The following YPEL2 variants were observed in gnomAD, a reference collection of about 807,000 sequenced individuals.
YPEL2 encodes yippee like 2.
In YPEL2, 2 loss-of-function variants were observed where a neutral mutation model predicts 19.1. The ratio of observed to expected loss-of-function variants is 0.10; its 90% CI spans 0.04 to 0.33. The LOEUF is 0.33. Ranked by LOEUF, YPEL2 falls within the 10% of genes least tolerant of loss-of-function variation. The pLI is 1.00. For missense variants in YPEL2, 66 were observed against 140.7 expected, an observed-to-expected ratio of 0.47 and a Z score of 2.68; for synonymous variants, 52 against 50.0, an observed-to-expected ratio of 1.04 and a Z score of -0.17.
chr17:59,389,481 G>T lies in YPEL2; in HGVS notation c.270+13G>T. The T allele has an allele frequency of 6.2e-7, 1 of 1,606,914 alleles. No individual in the cohort carries two copies. Among genetic ancestry groups the T allele is most frequent in the East Asian group, 2.2e-5 (1 of 44,858 alleles). On this transcript the variant is annotated intron_variant, in intron 4 of 4. Coordinates refer to ENST00000312655, the MANE Select transcript of YPEL2 (RefSeq NM_001005404.4). ...GGGCTGGAAATACGTAAGTATAAAG[G>T]AGTTTGGTTGGTAGAGGGCTGGAAG...
chr17:59,332,776 G>T (rs1028297952), intron 1 of YPEL2, among the ~76,000 whole-genome samples: 1 of 152,208 alleles, frequency 6.6e-6, no homozygotes, highest in Admixed American at 6.5e-5. Context: ...CCGCCCCCCA[G>T]TCCCGCCGCT....
intron 1 of YPEL2, among the ~76,000 whole-genome samples, chr17:59,340,198 C>G (rs372250630): frequency 2.4e-4 from 37 of 151,844 alleles, no homozygotes; most frequent in African/African-American, 8.5e-4. Flanking sequence ...ATCTCCACCC[C>G]CCCAGGTTCA....
intron 1 of YPEL2, among the ~76,000 whole-genome samples, chr17:59,346,954 A>G (rs964363891): frequency 2.0e-5 from 3 of 152,194 alleles, no homozygotes; most frequent in African/African-American, 7.2e-5. Flanking sequence ...CAAGTTGCCA[A>G]ATGCCTCCTA....
chr17:59,394,054 C>T (rs577956363), intron 4 of YPEL2, among the ~76,000 whole-genome samples: 195 of 152,232 alleles, frequency 1.3e-3, no homozygotes, highest in African/African-American at 4.5e-3. Context: ...GGGTGGTGGC[C>T]GGGCAGAGGG....
At chr17:59,336,120 C>T (rs957265553) in intron 1 of YPEL2, among the ~76,000 whole-genome samples, 23 of 152,152 alleles carry the variant, frequency 1.5e-4, no homozygotes, top group Admixed American at 3.9e-4. Context: ...TGGTTGAATG[C>T]GTGAATGACC....
intron 4 of YPEL2, 63 bp from the exon 5 acceptor site, chr17:59,397,035 GAAA>G (rs3214250): frequency 7.9e-7 from 1 of 1,272,002 alleles, no homozygotes; most frequent in African/African-American, 1.6e-5. Flanking sequence ...CCTCAAAAAA[GAAA>G]AAAAAAATCA....
chr17:59,348,137 G>T (rs1479320636), intron 1 of YPEL2, among the ~76,000 whole-genome samples: 28 of 152,194 alleles, frequency 1.8e-4, no homozygotes, highest in Admixed American at 1.8e-3. Context: ...AAGTCACGCA[G>T]CTAGAAAGGA....
chr17:59,389,135 AT>A (rs1320296919), intron 3 of YPEL2: 1 of 543,538 alleles, frequency 1.8e-6, no homozygotes, highest in East Asian at 2.9e-5. Flanking sequence ...AACCATAAAG[AT>A]TATTTCGGTA....
chr17:59,335,863 T>C (rs2047696346), intron 1 of YPEL2, among the ~76,000 whole-genome samples: 1 of 152,136 alleles, frequency 6.6e-6, no homozygotes, highest in African/African-American at 2.4e-5. Context: ...TCTCCAAATT[T>C]TTGCGTGGCT....
chr17:59,347,932 T>C (rs1024650099), intron 1 of YPEL2, among the ~76,000 whole-genome samples: 1 of 151,056 alleles, frequency 6.6e-6, no homozygotes, highest in African/African-American at 2.4e-5. Context: ...TTTTTCTTTC[T>C]TTTTTTTTAA....
chr17:59,376,847 G>A (rs1567752346), intron 2 of YPEL2, among the ~76,000 whole-genome samples: 1 of 150,664 alleles, frequency 6.6e-6, no homozygotes, highest in Non-Finnish European at 1.5e-5. Flanking sequence ...TGCTTGGGAG[G>A]CTGAGGCAGG....
intron 2 of YPEL2, among the ~76,000 whole-genome samples, chr17:59,363,462 C>T (rs896408796): frequency 5.9e-5 from 9 of 152,138 alleles, no homozygotes; most frequent in Admixed American, 2.6e-4. Context: ...CATCCGCCAC[C>T]AGGCCCGGCT....
At chr17:59,340,613 C>A (rs968016154) in intron 1 of YPEL2, among the ~76,000 whole-genome samples, 1 of 151,818 alleles carries the variant, frequency 6.6e-6, no homozygotes, top group Admixed American at 6.6e-5. Context: ...GACGGGGTTT[C>A]ACCGTGTTAG....
chr17:59,369,525 A>AG (rs1180129046), intron 2 of YPEL2, among the ~76,000 whole-genome samples: 2 of 152,270 alleles, frequency 1.3e-5, no homozygotes, highest in African/African-American at 2.4e-5. Context: ...TGTACAGTAC[A>AG]GGGTCAGCAC....
At chr17:59,336,554 AT>A (rs2047699595) in intron 1 of YPEL2, among the ~76,000 whole-genome samples, 1 of 152,174 alleles carries the variant, frequency 6.6e-6, no homozygotes, top group African/African-American at 2.4e-5. Flanking sequence ...TTTGTTCCTT[AT>A]TTTTAAAATG....
At chr17:59,365,018 G>A (rs2047861504) in intron 2 of YPEL2, among the ~76,000 whole-genome samples, 2 of 152,196 alleles carry the variant, frequency 1.3e-5, no homozygotes, top group Non-Finnish European at 2.9e-5. Context: ...ATTAAATGAG[G>A]TTATTGATGT....
intron 2 of YPEL2, chr17:59,362,765 C>T (rs2047847800): frequency 6.6e-6 from 1 of 152,132 alleles, no homozygotes; most frequent in Non-Finnish European, 1.5e-5. Flanking sequence ...ACCTGGGAAG[C>T]AAGGAGTGGG....
intron 1 of YPEL2, among the ~76,000 whole-genome samples, chr17:59,347,075 T>C (rs140762683): frequency 3.2e-4 from 48 of 152,208 alleles, no homozygotes; most frequent in African/African-American, 1.0e-3. Flanking sequence ...GCGTTAGTGG[T>C]AATACACACC....
chr17:59,383,040 C>T (rs1332700443), intron 2 of YPEL2, among the ~76,000 whole-genome samples: 2 of 152,088 alleles, frequency 1.3e-5, no homozygotes, highest in Admixed American at 6.5e-5. Context: ...GTTCAAACCC[C>T]TCTGAAACTC....
Sources: allele counts gnomAD v4.1 joint callset (sites outside exome capture counted in the v4.1 genomes callset), GRCh38; gene constraint gnomAD v4.1.1; transcripts MANE v1.5; gene names NCBI Gene and HGNC (gene_info 2026-07-23, HGNC 2026-07-21).